The following CDH13 variants were observed in gnomAD, a reference collection of about 807,000 sequenced individuals.
CDH13 encodes the protein cadherin-13.
CDH13 carries 24 observed loss-of-function variants against 63.8 expected under a neutral mutation model. The ratio of observed to expected loss-of-function variants is 0.38; its 90% CI spans 0.27 to 0.53. The LOEUF (loss-of-function observed/expected upper bound fraction) is 0.53, where lower values mean the gene tolerates loss of function less well. Among genes scored for constraint, CDH13 ranks in the 20% least tolerant of loss-of-function variants. The pLI is 0.85. For synonymous variants in CDH13, 503 were observed against 355.3 expected, an observed-to-expected ratio of 1.42 and a Z score of -4.67; for missense variants, 1,049 against 903.1, an observed-to-expected ratio of 1.16 and a Z score of -2.07.
At chr16:83,131,689 T>G (rs1473615503) in intron 4 of CDH13, among the ~76,000 whole-genome samples, 1 of 152,192 alleles carries the variant, frequency 6.6e-6, no homozygotes, top group Non-Finnish European at 1.5e-5. Flanking sequence ...GACAAGTCAT[T>G]TATGAAATGC....
chr16:82,644,312 C>CT lies in CDH13; in HGVS notation c.45+17175_45+17176insT, dbSNP rs1168252037. The stretch of plus-strand genomic sequence containing the variant: ...TGCTCATCACTCTGCAAATCAAGGC[C>CT]CCCCGAACTCCTCCCACCCCTGCCT... On this transcript the variant is annotated intron_variant, in intron 1 of 13. Coordinates refer to ENST00000567109, the MANE Select transcript of CDH13 (RefSeq NM_001257.5). The surrounding 1 kb of genome is among the most constrained non-coding windows in gnomAD (Gnocchi z 5.7). Among the ~76,000 whole-genome samples the CT allele has an allele frequency of 6.6e-6, 1 of 151,974 alleles. No individual in the cohort carries two copies. The highest frequency in any genetic ancestry group is 6.6e-5 in the Admixed American group (1 of 15,264).
intron 8 of CDH13, among the ~76,000 whole-genome samples, chr16:83,632,527 A>G (rs963698756): frequency 3.2e-4 from 49 of 152,030 alleles, no homozygotes; most frequent in African/African-American, 1.1e-3. Flanking sequence ...CAGATCAGGA[A>G]GCTGAGGGTT....
intron 6 of CDH13, among the ~76,000 whole-genome samples, chr16:83,422,129 A>G (rs1042023910): frequency 6.6e-6 from 1 of 152,208 alleles, no homozygotes. Context: ...TTAGCTAAAA[A>G]TTTGTTTATC....
Position 82,710,409 on chromosome 16 carries a change from G to C in CDH13, c.45+83272G>C, listed in dbSNP as rs566382886. Among the ~76,000 whole-genome samples the C allele has an allele frequency of 3.4e-5, 5 of 145,518 alleles. No individual in the cohort carries two copies. In the East Asian group the frequency reaches 1.0e-3, roughly 29 times the overall value. ...TTAGCTGCGCATGGTGGTGGGTGCT[G>C]TAGTCCCACCTACTCGGGAGGCTGA... is the stretch of plus-strand genomic sequence containing the variant. On this transcript the variant is annotated intron_variant, in intron 1 of 13. Coordinates refer to ENST00000567109, the MANE Select transcript of CDH13 (RefSeq NM_001257.5).
intron 8 of CDH13, among the ~76,000 whole-genome samples, chr16:83,634,845 A>G (rs1911115229): frequency 1.3e-5 from 2 of 152,216 alleles, no homozygotes; most frequent in Admixed American, 6.5e-5. Context: ...CCACTGAAGG[A>G]CATTTGACTT....
intron 5 of CDH13, among the ~76,000 whole-genome samples, chr16:83,226,500 G>T (rs2039843863): frequency 6.6e-6 from 1 of 152,116 alleles, no homozygotes; most frequent in Non-Finnish European, 1.5e-5. Flanking sequence ...TGCACCTGTG[G>T]CACCTGGCCC....
intron 11 of CDH13, 129 bp from the exon 12 acceptor site, chr16:83,779,839 T>C (rs1915395270): frequency 6.2e-6 from 4 of 640,890 alleles, no homozygotes; most frequent in Admixed American, 2.9e-5. Flanking sequence ...GTCTGGGCGA[T>C]AGAGTGAGAC....
intron 4 of CDH13, among the ~76,000 whole-genome samples, chr16:83,211,640 A>G (rs73606398): frequency 0.065 from 9,873 of 152,216 alleles, 1,037 homozygotes; most frequent in African/African-American, 0.22. Flanking sequence ...TGTAAAAGGC[A>G]TACCGTGAGA....
Position 83,339,817 on chromosome 16 carries a change from G to A in CDH13, c.637-5045G>A, listed in dbSNP as rs543971099. On this transcript the variant is annotated intron_variant, in intron 5 of 13. Coordinates refer to ENST00000567109, the MANE Select transcript of CDH13 (RefSeq NM_001257.5). ...CCACCGTGTGAGCAGGAAACCACTA[G>A]CACTAGAATCTCTCAAAGTGCTGGT... Among the ~76,000 whole-genome samples the A allele has an allele frequency of 1.2e-4, 19 of 152,280 alleles. 1 individual carries two copies. The highest frequency in any genetic ancestry group is 3.3e-4 in the Admixed American group (5 of 15,290).
intron 2 of CDH13, among the ~76,000 whole-genome samples, chr16:82,947,004 C>CTGTGTGTGTGTGTGTGTGTG: frequency 7.4e-6 from 1 of 134,920 alleles, no homozygotes; most frequent in Non-Finnish European, 1.6e-5. Flanking sequence ...GTGCGCACGC[C>CTGTGTGTGTGTGTGTGTGTG]TGTGTGTGTG....
intron 4 of CDH13, among the ~76,000 whole-genome samples, chr16:83,151,819 G>A (rs527629180): frequency 2.2e-4 from 34 of 152,210 alleles, no homozygotes; most frequent in Non-Finnish European, 3.1e-4. Flanking sequence ...AAATTTAGCT[G>A]GGTGTGGTGG....
At chr16:82,842,149 T>TATATATATAC (rs2039058876) in intron 1 of CDH13, among the ~76,000 whole-genome samples, 2 of 37,612 alleles carry the variant, frequency 5.3e-5, no homozygotes, top group African/African-American at 7.6e-5. Flanking sequence ...CACATATATA[T>TATATATATAC]ATATATATAT....
At chr16:83,482,878 A>G (rs1347648189) in intron 6 of CDH13, among the ~76,000 whole-genome samples, 1 of 152,200 alleles carries the variant, frequency 6.6e-6, no homozygotes, top group Non-Finnish European at 1.5e-5. Flanking sequence ...TTTGTCCCAC[A>G]TTCTTTGGAC....
At chr16:83,099,288 A>C (rs1039142507) in intron 3 of CDH13, among the ~76,000 whole-genome samples, 1 of 152,118 alleles carries the variant, frequency 6.6e-6, no homozygotes, top group Non-Finnish European at 1.5e-5. Flanking sequence ...TTACACTAAA[A>C]ACAATTCTAT....
intron 7 of CDH13, among the ~76,000 whole-genome samples, chr16:83,568,760 C>G (rs900785008): frequency 6.6e-6 from 1 of 152,186 alleles, no homozygotes; most frequent in African/African-American, 2.4e-5. Flanking sequence ...CTCACTCTCC[C>G]TTTCCTCCCT....
At chr16:82,726,289 C>A (rs768961939) in intron 1 of CDH13, among the ~76,000 whole-genome samples, 2 of 152,106 alleles carry the variant, frequency 1.3e-5, no homozygotes, top group Non-Finnish European at 2.9e-5. Flanking sequence ...GCTATAAGAT[C>A]TTCATCACAG....
chr16:83,219,781 G>T (rs1263300875), intron 5 of CDH13, among the ~76,000 whole-genome samples: 3 of 152,174 alleles, frequency 2.0e-5, no homozygotes, highest in Admixed American at 2.0e-4. Flanking sequence ...TGCTTATAGG[G>T]TAAGGGACAC....
chr16:82,643,373 A>T (rs1656899015), intron 1 of CDH13, among the ~76,000 whole-genome samples: 1 of 151,872 alleles, frequency 6.6e-6, no homozygotes, highest in South Asian at 2.1e-4. Context: ...TAACACTGCG[A>T]CTCCTCAAAA....
chr16:82,900,441 G>GAT (rs1176682002), intron 2 of CDH13, among the ~76,000 whole-genome samples: 1 of 139,930 alleles, frequency 7.1e-6, no homozygotes, highest in Non-Finnish European at 1.6e-5. Flanking sequence ...GGATGATACA[G>GAT]ACAAGACAGA....
Sources: allele counts gnomAD v4.1 joint callset (sites outside exome capture counted in the v4.1 genomes callset), GRCh38; gene constraint gnomAD v4.1.1; non-coding constraint Gnocchi (gnomAD v3.1); transcripts MANE v1.5; gene names NCBI Gene and HGNC (gene_info 2026-07-23, HGNC 2026-07-21).